The following DLG1 variants were observed in gnomAD, a reference collection of about 807,000 sequenced individuals.
DLG1 encodes the protein discs large MAGUK scaffold protein 1, also known as disks large homolog 1.
DLG1 carries 42 observed loss-of-function variants against 123.4 expected under a neutral mutation model. That is an observed-to-expected ratio of 0.34 (90% confidence interval 0.27 to 0.44). The LOEUF is 0.44. Among genes scored for constraint, DLG1 ranks in the 20% least tolerant of loss-of-function variants. The probability of loss-of-function intolerance (pLI) is 1.00; values close to 1 mark genes in which losing one functional copy is unlikely to be tolerated. For synonymous variants in DLG1, 317 were observed against 356.2 expected (o/e 0.89, Z 1.24); for missense variants, 942 against 1,082.6 (o/e 0.87, Z 1.82).
intron 14 of DLG1, among the ~76,000 whole-genome samples, chr3:197,094,446 A>C (rs1022227998): frequency 3.9e-5 from 6 of 152,290 alleles, no homozygotes; most frequent in African/African-American, 1.4e-4. Flanking sequence ...GTCTCCTCCT[A>C]CAAGCAATCT....
Position 197,111,625 on chromosome 3 carries a change from T to A in DLG1, c.1443+4302A>T, listed in dbSNP as rs528184538. Among the ~76,000 whole-genome samples, 368 of 152,332 alleles carry A rather than the reference T, an allele frequency of 2.4e-3. 2 individuals carry two copies. Among genetic ancestry groups the A allele is most frequent in the Non-Finnish European group, 3.7e-3 (250 of 68,030 alleles). On this transcript the variant is annotated intron_variant, in intron 13 of 24. Coordinates refer to ENST00000667157, the MANE Select transcript of DLG1 (RefSeq NM_001366207.1). ...AGGATTTTGCTAACCATAAAAATCA[T>A]GAAACCACTACCCCAGACAAGACAT...
At chr3:197,174,073 A>T (rs1400241635) in intron 5 of DLG1, among the ~76,000 whole-genome samples, 1 of 152,104 alleles carries the variant, frequency 6.6e-6, no homozygotes, top group African/African-American at 2.4e-5. Context: ...ACACAGTGAG[A>T]CTCTGTCTCA....
chr3:197,279,749 T>C (rs1289766653), intron 4 of DLG1, among the ~76,000 whole-genome samples: 2 of 152,210 alleles, frequency 1.3e-5, no homozygotes, highest in African/African-American at 4.8e-5. Flanking sequence ...CCATTTTTGA[T>C]GAAATTCAAT....
At position 197,282,718 on chromosome 3, in the gene DLG1, A is replaced by C; in HGVS notation, c.279T>G (p.Thr93=). ...EISSLPSSTV[T]SETLPSSLSP... The stretch of plus-strand genomic sequence containing the variant: ...TAAGGCTGCTTGGCAGTGTCTCTGA[A>C]GTCACAGTAGAGCTTGGAAGGCTGG... The change falls in exon 4 of 25, where the codon ACT becomes ACG. Residue 93 remains threonine (T), a synonymous_variant. Transcript: ENST00000667157. The C allele has an allele frequency of 6.2e-7, 1 of 1,610,090 alleles. No individual in the cohort carries two copies. The highest frequency in any genetic ancestry group is 1.1e-5 in the South Asian group (1 of 90,160).
Position 197,114,628 on chromosome 3 carries a change from C to G in DLG1, c.1443+1299G>C, listed in dbSNP as rs184570896. Among the ~76,000 whole-genome samples the G allele has an allele frequency of 2.8e-3, 432 of 152,260 alleles. 5 individuals carry two copies. The highest frequency in any genetic ancestry group is 6.4e-3 in the South Asian group (31 of 4,830). On this transcript the variant is annotated intron_variant, in intron 13 of 24. Coordinates refer to ENST00000667157, the MANE Select transcript of DLG1 (RefSeq NM_001366207.1). ...TTTAGATATCTGAAGGGCATTTTTG[C>G]TTTTTACAATGACTAGGGAGTTTTA...
intron 11 of DLG1, among the ~76,000 whole-genome samples, chr3:197,120,784 T>C (rs1264726051): frequency 6.6e-6 from 1 of 152,206 alleles, no homozygotes; most frequent in African/African-American, 2.4e-5. Context: ...CTATTGATAT[T>C]ACAGGTTTGC....
chr3:197,188,918 T>C (rs1056403550), intron 5 of DLG1, among the ~76,000 whole-genome samples: 1 of 152,232 alleles, frequency 6.6e-6, no homozygotes, highest in African/African-American at 2.4e-5. Flanking sequence ...GAACCCTACC[T>C]ACTCTGCTAT....
chr3:197,049,263 G>A lies in DLG1; in HGVS notation c.2575+2314C>T, dbSNP rs573702344. On this transcript the variant is annotated intron_variant, in intron 24 of 24. Transcript: ENST00000667157. ...ACCCAGGAGGCGATGGTTGCAGCAA[G>A]CTGAGATCACACCCGCATTCCAGCC... is the stretch of plus-strand genomic sequence containing the variant. Among the ~76,000 whole-genome samples, 8 of 152,214 alleles carry A rather than the reference G, an allele frequency of 5.3e-5. No homozygotes were observed. In the East Asian group the frequency reaches 1.4e-3, roughly 26 times the overall value.
intron 4 of DLG1, among the ~76,000 whole-genome samples, chr3:197,212,823 A>G (rs563223441): frequency 3.3e-5 from 5 of 152,320 alleles, no homozygotes; most frequent in African/African-American, 9.6e-5. Flanking sequence ...ACACTTAACA[A>G]AAGAAGATTT....
chr3:197,144,736 C>T (rs1240914796), intron 6 of DLG1, among the ~76,000 whole-genome samples: 2 of 152,280 alleles, frequency 1.3e-5, no homozygotes, highest in Middle Eastern at 3.4e-3. Flanking sequence ...TGTGATTCTC[C>T]TAGATTCAAA....
At chr3:197,186,317 A>C (rs1337077053) in intron 5 of DLG1, among the ~76,000 whole-genome samples, 5 of 152,232 alleles carry the variant, frequency 3.3e-5, no homozygotes, top group Non-Finnish European at 5.9e-5. Flanking sequence ...AACTCCATTA[A>C]AACCAAATTT....
intron 7 of DLG1, 72 bp downstream of exon 7, chr3:197,142,646 C>T (rs944716008): frequency 5.1e-6 from 6 of 1,188,004 alleles, no homozygotes; most frequent in Middle Eastern, 2.3e-4. Context: ...AGAGATCTCC[C>T]TTGGATTCTG....
chr3:197,099,517 T>C (rs1386915958), intron 14 of DLG1, among the ~76,000 whole-genome samples: 1 of 152,230 alleles, frequency 6.6e-6, no homozygotes, highest in East Asian at 1.9e-4. Context: ...TTTCTTGTCA[T>C]GAAACGTATT....
intron 4 of DLG1, among the ~76,000 whole-genome samples, chr3:197,212,368 A>G (rs958476744): frequency 2.6e-5 from 3 of 115,992 alleles, no homozygotes; most frequent in African/African-American, 7.7e-5. Flanking sequence ...AAAAGAAAGT[A>G]AAAGTGTAAC....
At chr3:197,068,725 T>A (rs577976994) in intron 19 of DLG1, among the ~76,000 whole-genome samples, 30 of 152,186 alleles carry the variant, frequency 2.0e-4, no homozygotes, top group Non-Finnish European at 3.7e-4. Flanking sequence ...AAAATTAGTA[T>A]TATTTTTCAG....
At chr3:197,237,163 C>A (rs1405436453) in intron 4 of DLG1, among the ~76,000 whole-genome samples, 1 of 152,150 alleles carries the variant, frequency 6.6e-6, no homozygotes, top group Non-Finnish European at 1.5e-5. Context: ...AGCGTAGACA[C>A]TTTCCTATGC....
chr3:197,137,908 G>A (rs1385642105), intron 9 of DLG1, among the ~76,000 whole-genome samples: 1 of 151,634 alleles, frequency 6.6e-6, no homozygotes, highest in Non-Finnish European at 1.5e-5. Context: ...GGAGGCTGAG[G>A]CTGCAGTAAG....
At chr3:197,246,204 T>C (rs1296828623) in intron 4 of DLG1, among the ~76,000 whole-genome samples, 3 of 152,192 alleles carry the variant, frequency 2.0e-5, no homozygotes, top group South Asian at 2.1e-4. Flanking sequence ...ATTATGTTTT[T>C]TTCCTTCAAT....
intron 3 of DLG1, among the ~76,000 whole-genome samples, chr3:197,287,040 A>AC (rs1553824283): frequency 2.0e-5 from 3 of 148,082 alleles, no homozygotes; most frequent in African/African-American, 5.0e-5. Flanking sequence ...GCCTGGTTAA[A>AC]TTTTTTTTTT....
Sources: allele counts gnomAD v4.1 joint callset (sites outside exome capture counted in the v4.1 genomes callset), GRCh38; gene constraint gnomAD v4.1.1; transcripts MANE v1.5; gene names NCBI Gene and HGNC (gene_info 2026-07-23, HGNC 2026-07-21).